The following EVI5 variants were observed in gnomAD, a reference collection of about 807,000 sequenced individuals.
EVI5 encodes ecotropic viral integration site 5 protein homolog.
A neutral mutation model predicts 112.0 loss-of-function variants in EVI5; 73 were observed. The ratio of observed to expected loss-of-function variants is 0.65; its 90% CI spans 0.54 to 0.79. The LOEUF (loss-of-function observed/expected upper bound fraction) is 0.79, where lower values mean the gene tolerates loss of function less well. Ranked by LOEUF, EVI5 falls within the 30% of genes least tolerant of loss-of-function variation. The pLI is 0.00. For synonymous variants in EVI5, 305 were observed against 319.9 expected (o/e 0.95, Z 0.50); for missense variants, 900 against 968.8 (o/e 0.93, Z 0.94).
At chr1:92,763,107 A>G (rs1157123248) in intron 1 of EVI5, among the ~76,000 whole-genome samples, 4 of 152,206 alleles carry the variant, frequency 2.6e-5, no homozygotes, top group African/African-American at 9.6e-5. Flanking sequence ...TGTCTCTACA[A>G]ATAAATTAAA....
chr1:92,654,634 T>C (rs1253306129), intron 13 of EVI5, among the ~76,000 whole-genome samples: 2 of 152,172 alleles, frequency 1.3e-5, no homozygotes, highest in African/African-American at 4.8e-5. Context: ...TGTTATGACA[T>C]TCTCAAAAGA....
chr1:92,534,543 A>G (rs1663488082), intron 19 of EVI5, among the ~76,000 whole-genome samples: 1 of 152,212 alleles, frequency 6.6e-6, no homozygotes, highest in Admixed American at 6.5e-5. Context: ...CTACAAGGCT[A>G]CAGTAACCAA....
At chr1:92,675,468 T>C (rs764538504) in intron 10 of EVI5, among the ~76,000 whole-genome samples, 7 of 152,232 alleles carry the variant, frequency 4.6e-5, no homozygotes, top group African/African-American at 9.6e-5. Context: ...AGAGTAAGGA[T>C]TGTTCATAGA....
At position 92,512,061 on chromosome 1, in the gene EVI5, C is replaced by G. The variant is rs1659222559; in HGVS notation, c.*1595G>C. The G allele has an allele frequency of 6.6e-6, 1 of 152,312 alleles. No individual in the cohort carries two copies. The highest frequency in any genetic ancestry group is 2.4e-5 in the African/African-American group (1 of 41,324). The allele number at this position is 152,312 out of a possible 1,614,324, so 9.4% of individuals were successfully genotyped here. On this transcript the variant is annotated 3_prime_UTR_variant, in exon 20 of 20. Transcript: ENST00000684568. Reference sequence around the variant, plus strand: ...AAAATGAGAGTAGAAAGTACCCAGTCAACATATTCATGTCGTCTTTCCATA... The same window carrying G: ...AAAATGAGAGTAGAAAGTACCCAGTGAACATATTCATGTCGTCTTTCCATA...
chr1:92,602,670 G>A (rs1040221882), intron 18 of EVI5, among the ~76,000 whole-genome samples: 2 of 152,160 alleles, frequency 1.3e-5, no homozygotes, highest in Admixed American at 6.5e-5. Context: ...GCCTCTCAAA[G>A]CACTGGGATT....
intron 1 of EVI5, chr1:92,784,159 G>T (rs1685284062): frequency 7.2e-6 from 2 of 277,402 alleles, no homozygotes; most frequent in South Asian, 1.4e-4. Context: ...CAAATGAGAT[G>T]ATCTAAGAAG....
intron 13 of EVI5, among the ~76,000 whole-genome samples, chr1:92,646,705 G>C (rs1661033517): frequency 6.6e-6 from 1 of 152,164 alleles, no homozygotes; most frequent in South Asian, 2.1e-4. Flanking sequence ...CCTTACAAAT[G>C]TTTTTTAAAA....
chr1:92,781,740 A>T (rs572253932), intron 1 of EVI5, among the ~76,000 whole-genome samples: 1 of 151,976 alleles, frequency 6.6e-6, no homozygotes, highest in Admixed American at 6.6e-5. Flanking sequence ...GTATGACTTG[A>T]GCCCAGGAGT....
intron 9 of EVI5, among the ~76,000 whole-genome samples, chr1:92,693,496 G>T (rs1303058237): frequency 6.6e-6 from 1 of 152,164 alleles, no homozygotes; most frequent in Non-Finnish European, 1.5e-5. Flanking sequence ...AAGAGGAAAA[G>T]AATGTCAATG....
At chr1:92,662,596 A>T in intron 13 of EVI5, 123 bp downstream of exon 13, 1 of 577,944 alleles carries the variant, frequency 1.7e-6, no homozygotes, top group South Asian at 3.5e-5. Context: ...TGTATAATTT[A>T]AAAGTTCAAA....
intron 18 of EVI5, among the ~76,000 whole-genome samples, chr1:92,594,072 G>C (rs1404921025): frequency 1.3e-5 from 2 of 150,922 alleles, no homozygotes; most frequent in African/African-American, 4.8e-5. Context: ...AAAAACTAAA[G>C]TTCATATGGA....
intron 2 of EVI5, among the ~76,000 whole-genome samples, chr1:92,725,997 G>A (rs1192116071): frequency 2.0e-5 from 3 of 152,106 alleles, no homozygotes; most frequent in Non-Finnish European, 4.4e-5. Context: ...ACTTAGATAT[G>A]GCAAAAGACA....
At chr1:92,558,673 C>A (rs557085879) in intron 19 of EVI5, among the ~76,000 whole-genome samples, 1 of 152,042 alleles carries the variant, frequency 6.6e-6, no homozygotes, top group African/African-American at 2.4e-5. Flanking sequence ...GTACAGCAGG[C>A]AGAGCAAATG....
intron 13 of EVI5, among the ~76,000 whole-genome samples, chr1:92,653,054 T>C (rs1662400215): frequency 6.6e-6 from 1 of 152,134 alleles, no homozygotes; most frequent in Admixed American, 6.5e-5. Flanking sequence ...GGGGACTTCT[T>C]GAGGGCACTG....
chr1:92,578,640 C>A (rs1242023598), intron 18 of EVI5, among the ~76,000 whole-genome samples: 1 of 151,540 alleles, frequency 6.6e-6, no homozygotes, highest in Non-Finnish European at 1.5e-5. Flanking sequence ...ATGGCGTGAA[C>A]CCGGAAGGCA....
At chr1:92,771,781 T>A (rs1018427160) in intron 1 of EVI5, among the ~76,000 whole-genome samples, 3 of 151,706 alleles carry the variant, frequency 2.0e-5, no homozygotes, top group Non-Finnish European at 2.9e-5. Flanking sequence ...CCGGAATACA[T>A]CAATTTTCAA....
At chr1:92,616,830 A>G (rs142534732) in intron 16 of EVI5, among the ~76,000 whole-genome samples, 139 of 152,290 alleles carry the variant, frequency 9.1e-4, no homozygotes, top group Middle Eastern at 3.4e-3. Flanking sequence ...TGAACTGCCT[A>G]TCATGAACTG....
At chr1:92,709,707 ACTATAGCATGTATTTTC>A (rs1356766886) in intron 2 of EVI5, among the ~76,000 whole-genome samples, 1 of 152,184 alleles carries the variant, frequency 6.6e-6, no homozygotes, top group Admixed American at 6.5e-5. Flanking sequence ...TCCCCAGTGA[ACTATAGCATGTATTTTC>A]CTATAGCATG....
In EVI5 at chr1:92,605,390, C is replaced by T; in HGVS notation, c.1987G>A (p.Val663Met). ...AEIECKNKEE[V>M]MAVRLREADS... ...GCTTCCCGAAGCCTCACAGCCATCA[C>T]TTCTTCCTTATTCTAGTGTGGTAAA... The change falls in exon 18 of 20, where the codon GTG becomes ATG. Residue 663 changes from valine to methionine, a missense_variant. By Grantham distance (21) the Val-to-Met change is conservative. Transcript: ENST00000684568. 1 of 1,611,486 alleles carries T rather than the reference C, an allele frequency of 6.2e-7. No individual in the cohort carries two copies. The highest frequency in any genetic ancestry group is 8.5e-7 in the Non-Finnish European group (1 of 1,177,812).
Sources: allele counts gnomAD v4.1 joint callset (sites outside exome capture counted in the v4.1 genomes callset), GRCh38; gene constraint gnomAD v4.1.1; transcripts MANE v1.5; gene names NCBI Gene and HGNC (gene_info 2026-07-23, HGNC 2026-07-21).